Variants in GPC5 observed in about 807,000 individuals in gnomAD.
The protein encoded by GPC5 is glypican-5.
Under a neutral mutation model 53.9 loss-of-function variants are expected in GPC5, and 47 were observed. The ratio of observed to expected loss-of-function variants is 0.87; its 90% CI spans 0.69 to 1.11. The LOEUF (loss-of-function observed/expected upper bound fraction) is 1.11, where lower values mean the gene tolerates loss of function less well. Ranked by LOEUF, GPC5 falls within the 50% of genes most tolerant of loss-of-function variation. The probability of loss-of-function intolerance (pLI) is 0.00; values close to 1 mark genes in which losing one functional copy is unlikely to be tolerated. For missense variants in GPC5, 748 were observed against 713.1 expected (o/e 1.05, Z -0.56); for synonymous variants, 286 against 263.3 (o/e 1.09, Z -0.84).
chr13:92,679,024 A>G (rs1566360095), intron 7 of GPC5, among the ~76,000 whole-genome samples: 2 of 151,618 alleles, frequency 1.3e-5, no homozygotes, highest in Non-Finnish European at 2.9e-5. Context: ...ATGGATTAAG[A>G]AAAGAAAGAA....
chr13:92,627,222 C>T (rs1885074053), intron 7 of GPC5, among the ~76,000 whole-genome samples: 1 of 152,092 alleles, frequency 6.6e-6, no homozygotes, highest in East Asian at 1.9e-4. Flanking sequence ...CAGATTGGTT[C>T]CAGAAAGCAG....
At chr13:92,279,703 A>G (rs532794390) in intron 7 of GPC5, among the ~76,000 whole-genome samples, 1 of 152,136 alleles carries the variant, frequency 6.6e-6, no homozygotes, top group African/African-American at 2.4e-5. Context: ...TGGTTCTAAA[A>G]ATACATTGTG....
chr13:92,011,319 C>T (rs2040659805), intron 6 of GPC5, among the ~76,000 whole-genome samples: 1 of 152,088 alleles, frequency 6.6e-6, no homozygotes, highest in African/African-American at 2.4e-5. Context: ...TAGCTGTTAA[C>T]ATGCAAAAAA....
chr13:92,189,806 G>A (rs2042210663), intron 7 of GPC5, among the ~76,000 whole-genome samples: 1 of 152,106 alleles, frequency 6.6e-6, no homozygotes, highest in Non-Finnish European at 1.5e-5. Context: ...TCAAATAAAT[G>A]AATAATGCTT....
chr13:92,757,975 T>A (rs1052493420), intron 7 of GPC5, among the ~76,000 whole-genome samples: 3 of 151,200 alleles, frequency 2.0e-5, no homozygotes, highest in Non-Finnish European at 2.9e-5. Flanking sequence ...AGCCATGCCA[T>A]TCCTGGGTAT....
chr13:91,741,509 G>C (rs1566652157), intron 4 of GPC5, among the ~76,000 whole-genome samples: 1 of 152,016 alleles, frequency 6.6e-6, no homozygotes, highest in Admixed American at 6.6e-5. Context: ...TTAAACGTGG[G>C]AAAAAATTTT....
chr13:92,303,608 G>T (rs1290496938), intron 7 of GPC5, among the ~76,000 whole-genome samples: 2 of 152,180 alleles, frequency 1.3e-5, no homozygotes, highest in Non-Finnish European at 1.5e-5. Context: ...GTGATGAAAT[G>T]CCAGATGGTG....
chr13:91,867,719 G>A (rs2039100061), intron 5 of GPC5, among the ~76,000 whole-genome samples: 2 of 152,172 alleles, frequency 1.3e-5, no homozygotes, highest in Admixed American at 1.3e-4. Context: ...AAATTCACGA[G>A]GGATGGATGG....
chr13:92,379,575 C>T (rs2043721994), intron 7 of GPC5, among the ~76,000 whole-genome samples: 2 of 151,024 alleles, frequency 1.3e-5, no homozygotes, highest in Non-Finnish European at 2.9e-5. Flanking sequence ...ATTAGTTCCT[C>T]TCTGTGCCCC....
chr13:92,371,542 G>A (rs538345460), intron 7 of GPC5, among the ~76,000 whole-genome samples: 15 of 152,262 alleles, frequency 9.9e-5, no homozygotes, highest in South Asian at 6.2e-4. Flanking sequence ...AGAAAGGAAC[G>A]AGGTTTAATT....
At chr13:92,677,370 G>A (rs1886980160) in intron 7 of GPC5, among the ~76,000 whole-genome samples, 1 of 152,124 alleles carries the variant, frequency 6.6e-6, no homozygotes, top group African/African-American at 2.4e-5. Context: ...CCAAGTTGAG[G>A]CAGCAGACTA....
chr13:91,507,985 T>C (rs1239977105), intron 2 of GPC5, among the ~76,000 whole-genome samples: 2 of 152,118 alleles, frequency 1.3e-5, no homozygotes, highest in Non-Finnish European at 2.9e-5. Flanking sequence ...TAATATATAT[T>C]TAAAGAAAGC....
intron 5 of GPC5, among the ~76,000 whole-genome samples, chr13:91,791,606 CAACAATTACATGTTGATGTTTAATTACAT>C (rs2037965218): frequency 1.5e-5 from 1 of 65,692 alleles, no homozygotes; most frequent in Non-Finnish European, 2.8e-5. Flanking sequence ...TGCTTTACAT[CAACAATTACATGTTGATGTTTAATTACAT>C]CAACAATTAC....
At chr13:92,161,811 G>A (rs891406038) in intron 7 of GPC5, among the ~76,000 whole-genome samples, 1 of 151,094 alleles carries the variant, frequency 6.6e-6, no homozygotes, top group Admixed American at 6.6e-5. Context: ...AATTTTGGAG[G>A]AGATACATTA....
At chr13:91,843,935 G>A (rs2138877101) in intron 5 of GPC5, among the ~76,000 whole-genome samples, 1 of 152,290 alleles carries the variant, frequency 6.6e-6, no homozygotes, top group Admixed American at 6.5e-5. Flanking sequence ...TGGCTTCAGG[G>A]ATAGTTATGC....
At chr13:92,099,825 A>G (rs1048860521) in intron 6 of GPC5, among the ~76,000 whole-genome samples, 11 of 152,180 alleles carry the variant, frequency 7.2e-5, no homozygotes, top group Admixed American at 6.5e-4. Context: ...TAATATGTCA[A>G]GGTAAAGGGA....
intron 7 of GPC5, among the ~76,000 whole-genome samples, chr13:92,530,581 C>T (rs544993863): frequency 1.3e-5 from 2 of 152,184 alleles, no homozygotes; most frequent in African/African-American, 2.4e-5. Context: ...TACACAGAAG[C>T]CTGGGAAATG....
intron 7 of GPC5, among the ~76,000 whole-genome samples, chr13:92,528,036 A>T (rs1881428416): frequency 6.6e-6 from 1 of 152,120 alleles, no homozygotes. Context: ...TTGTCACCGT[A>T]ATGTGAAACT....
chr13:91,540,003 A>C lies in GPC5; in HGVS notation c.325+91081A>C, dbSNP rs74973597. Among the ~76,000 whole-genome samples the C allele has an allele frequency of 3.1e-3, 472 of 152,346 alleles. 1 individual carries two copies. Among genetic ancestry groups the C allele is most frequent in the Non-Finnish European group, 5.5e-3 (374 of 68,034 alleles). On this transcript the variant is annotated intron_variant, in intron 2 of 7. Transcript: ENST00000377067. Reference sequence around the variant, plus strand: ...TGCTCCAAGTTAATGTTTAACATAGAGGCACTAATAAAGCAACAAAAATTT... The same window carrying C: ...TGCTCCAAGTTAATGTTTAACATAGCGGCACTAATAAAGCAACAAAAATTT...
Sources: allele counts gnomAD v4.1 joint callset (sites outside exome capture counted in the v4.1 genomes callset), GRCh38; gene constraint gnomAD v4.1.1; transcripts MANE v1.5; gene names NCBI Gene and HGNC (gene_info 2026-07-23, HGNC 2026-07-21).